The following DACH1 variants were observed in gnomAD, a reference collection of about 807,000 sequenced individuals.
DACH1 encodes the protein dachshund homolog 1.
A neutral mutation model predicts 54.2 loss-of-function variants in DACH1; 12 were observed. The ratio of observed to expected loss-of-function variants is 0.22; its 90% CI spans 0.14 to 0.36. The LOEUF (loss-of-function observed/expected upper bound fraction) is 0.36, where lower values mean the gene tolerates loss of function less well. Ranked by LOEUF, DACH1 falls within the 10% of genes least tolerant of loss-of-function variation. The pLI is 1.00. For missense variants in DACH1, 805 were observed against 929.8 expected (o/e 0.87, Z 1.75); for synonymous variants, 386 against 366.2 (o/e 1.05, Z -0.62).
intron 6 of DACH1, among the ~76,000 whole-genome samples, chr13:71,531,850 A>G (rs916038232): frequency 4.6e-5 from 7 of 152,086 alleles, no homozygotes; most frequent in African/African-American, 1.7e-4. Context: ...CTGTTCGATC[A>G]CATTGAGTAT....
Position 71,866,416 on chromosome 13 carries a change from G to T in DACH1, c.354C>A (p.Gly118=). ...LAAASNGSGG[G]GGGISAGGGV... is the part of the protein sequence containing the mutation. ...CGCCGCCAGCGCTGATGCCGCCGCCGCCGCCGCCGCTGCCGTTGCTCGCGG... is the reference window on the plus strand; with the variant it reads ...CGCCGCCAGCGCTGATGCCGCCGCCTCCGCCGCCGCTGCCGTTGCTCGCGG... The change falls in exon 1 of 11, where the codon GGC becomes GGA. Residue 118 remains glycine, a synonymous_variant. Coordinates refer to ENST00000613252, the MANE Select transcript of DACH1 (RefSeq NM_080759.6). The T allele has an allele frequency of 7.0e-7, 1 of 1,425,978 alleles. No homozygotes were observed. The highest frequency in any genetic ancestry group is 9.2e-7 in the Non-Finnish European group (1 of 1,083,530). 88.3% of individuals were successfully genotyped at this position (1,425,978 alleles called of 1,614,324 possible).
chr13:71,706,028 C>T (rs541719773), intron 1 of DACH1, among the ~76,000 whole-genome samples: 1 of 151,950 alleles, frequency 6.6e-6, no homozygotes, highest in East Asian at 1.9e-4. Context: ...ATCAAGAAAT[C>T]TAGTGATCAA....
intron 6 of DACH1, among the ~76,000 whole-genome samples, chr13:71,526,293 G>A (rs1275635866): frequency 3.3e-5 from 5 of 152,106 alleles, no homozygotes; most frequent in African/African-American, 1.2e-4. Flanking sequence ...GCCTTTATAT[G>A]GATAAAAATT....
At chr13:71,837,115 T>A (rs1266917137) in intron 1 of DACH1, among the ~76,000 whole-genome samples, 2 of 151,724 alleles carry the variant, frequency 1.3e-5, no homozygotes, top group Non-Finnish European at 2.9e-5. Flanking sequence ...AATGCATTAT[T>A]CTCATTTTTT....
chr13:71,817,690 C>T (rs896639292), intron 1 of DACH1, among the ~76,000 whole-genome samples: 3 of 151,776 alleles, frequency 2.0e-5, no homozygotes, highest in Non-Finnish European at 4.4e-5. Flanking sequence ...TTGACTACAT[C>T]TTAAGATAAT....
At chr13:71,707,851 G>A (rs906983968) in intron 1 of DACH1, among the ~76,000 whole-genome samples, 1 of 152,070 alleles carries the variant, frequency 6.6e-6, no homozygotes, top group African/African-American at 2.4e-5. Flanking sequence ...CAATGAAAGG[G>A]AGGATGAAGA....
intron 1 of DACH1, among the ~76,000 whole-genome samples, chr13:71,815,214 A>G (rs1887862179): frequency 6.6e-6 from 1 of 151,708 alleles, no homozygotes; most frequent in South Asian, 2.1e-4. Context: ...TGCAACCTTT[A>G]TGCTAATGTC....
chr13:71,615,550 C>T (rs1273900767), intron 3 of DACH1, among the ~76,000 whole-genome samples: 1 of 152,120 alleles, frequency 6.6e-6, no homozygotes, highest in Admixed American at 6.5e-5. Flanking sequence ...GACAACTTTC[C>T]TCTTCCTGTG....
chr13:71,790,963 AT>A (rs1338544499), intron 1 of DACH1, among the ~76,000 whole-genome samples: 1 of 152,176 alleles, frequency 6.6e-6, no homozygotes, highest in Admixed American at 6.5e-5. Flanking sequence ...TGAACATTAA[AT>A]CTGCCAAACA....
chr13:71,760,105 C>G (rs185261928), intron 1 of DACH1, among the ~76,000 whole-genome samples: 1 of 152,310 alleles, frequency 6.6e-6, no homozygotes, highest in East Asian at 1.9e-4. Context: ...GCTACCACGG[C>G]GGCCCCAGGT....
intron 2 of DACH1, among the ~76,000 whole-genome samples, chr13:71,646,261 C>T (rs1345944116): frequency 1.3e-5 from 2 of 150,026 alleles, no homozygotes; most frequent in African/African-American, 2.5e-5. Flanking sequence ...CACTTGAACC[C>T]GGGAGGCAGA....
chr13:71,753,611 T>G (rs767574121), intron 1 of DACH1, among the ~76,000 whole-genome samples: 1 of 152,186 alleles, frequency 6.6e-6, no homozygotes, highest in Non-Finnish European at 1.5e-5. Context: ...ACTGTTCCAG[T>G]AATAGTATGA....
At chr13:71,577,898 AATAATT>A (rs1303118852) in intron 3 of DACH1, among the ~76,000 whole-genome samples, 1 of 152,162 alleles carries the variant, frequency 6.6e-6, no homozygotes, top group African/African-American at 2.4e-5. Context: ...TCTTAGTCCA[AATAATT>A]ATACATATTC....
At chr13:71,676,554 G>A (rs1261637239) in intron 2 of DACH1, among the ~76,000 whole-genome samples, 15 of 152,156 alleles carry the variant, frequency 9.9e-5, no homozygotes, top group Non-Finnish European at 1.5e-4. Flanking sequence ...CTCCTGAGAA[G>A]TTGAAATGTT....
chr13:71,642,464 T>C (rs774407727), intron 2 of DACH1, among the ~76,000 whole-genome samples: 2 of 152,320 alleles, frequency 1.3e-5, no homozygotes, highest in South Asian at 4.1e-4. Flanking sequence ...ATCTCTTCTG[T>C]AGCAATTAGG....
intron 1 of DACH1, among the ~76,000 whole-genome samples, chr13:71,805,725 G>A (rs1230139284): frequency 6.6e-6 from 1 of 152,148 alleles, no homozygotes; most frequent in Non-Finnish European, 1.5e-5. Context: ...CAATAATTAG[G>A]AGGAGGTTTT....
At chr13:71,700,165 G>A (rs1424492823) in intron 1 of DACH1, among the ~76,000 whole-genome samples, 1 of 152,130 alleles carries the variant, frequency 6.6e-6, no homozygotes. Flanking sequence ...CATATATGCT[G>A]AAGTCAATGG....
At chr13:71,710,072 A>AT (rs1181817746) in intron 1 of DACH1, among the ~76,000 whole-genome samples, 1 of 152,004 alleles carries the variant, frequency 6.6e-6, no homozygotes, top group Non-Finnish European at 1.5e-5. Context: ...TTACACATAT[A>AT]TTTTTTGTAA....
At chr13:71,612,129 C>T (rs576114663) in intron 3 of DACH1, among the ~76,000 whole-genome samples, 50 of 152,074 alleles carry the variant, frequency 3.3e-4, no homozygotes, top group Non-Finnish European at 5.7e-4. Context: ...GCATACCGAT[C>T]CAAATTTTAT....
Sources: gnomAD v4.1 joint callset for allele counts (sites outside exome capture counted in the v4.1 genomes callset) on GRCh38, gnomAD v4.1.1 for gene constraint, MANE v1.5 for transcripts, NCBI Gene and HGNC (gene_info 2026-07-23, HGNC 2026-07-21) for gene names.